KANK1: variants seen among roughly 807,000 people sequenced by gnomAD.
KANK1 encodes the protein KN motif and ankyrin repeat domain-containing protein 1.
Under a neutral mutation model 106.2 loss-of-function variants are expected in KANK1, and 109 were observed. The ratio of observed to expected loss-of-function variants is 1.03; its 90% CI spans 0.88 to 1.20. The LOEUF (loss-of-function observed/expected upper bound fraction) is 1.20. KANK1 is among the 50% of genes most tolerant of loss of function. KANK1 has a pLI of 0.00. For missense variants in KANK1, 2,399 were observed against 1,710.7 expected (o/e 1.40, Z -7.10); for synonymous variants, 873 against 652.2 (o/e 1.34, Z -5.16).
At chr9:681,271 C>T (rs994779185) in intron 2 of KANK1, among the ~76,000 whole-genome samples, 3 of 152,198 alleles carry the variant, frequency 2.0e-5, no homozygotes, top group African/African-American at 7.2e-5. Flanking sequence ...AGTACTGCAG[C>T]GTCTTTTGTT....
At chr9:614,516 A>C (rs1831334455) in intron 1 of KANK1, among the ~76,000 whole-genome samples, 1 of 152,182 alleles carries the variant, frequency 6.6e-6, no homozygotes, top group African/African-American at 2.4e-5. Context: ...TCCTAGTGGC[A>C]ATCTCTTAAC....
intron 3 of KANK1, among the ~76,000 whole-genome samples, chr9:727,659 C>T (rs188484244): frequency 1.3e-5 from 2 of 149,828 alleles, no homozygotes; most frequent in Admixed American, 6.7e-5. Flanking sequence ...TTTCATTTAG[C>T]ACAGAGTCAG....
intron 1 of KANK1, among the ~76,000 whole-genome samples, chr9:558,187 C>G (rs1296497158): frequency 6.6e-6 from 1 of 152,162 alleles, no homozygotes; most frequent in African/African-American, 2.4e-5. Flanking sequence ...GCAAAGAAGT[C>G]TAGACCTATG....
chr9:544,815 TG>T (rs1282100186), intron 1 of KANK1, among the ~76,000 whole-genome samples: 2 of 16,078 alleles, frequency 1.2e-4, no homozygotes, highest in African/African-American at 2.6e-4. Flanking sequence ...GATTATTGGG[TG>T]GGGGTGGGAG....
intron 1 of KANK1, among the ~76,000 whole-genome samples, chr9:540,009 C>A (rs75517119): frequency 2.6e-5 from 4 of 152,218 alleles, no homozygotes; most frequent in East Asian, 3.9e-4. Flanking sequence ...TTCTTGCTTT[C>A]CATTTTTGAT....
chr9:742,472 G>C, intron 10 of KANK1, 67 bp downstream of exon 10: 1 of 1,327,292 alleles, frequency 7.5e-7, no homozygotes, highest in Non-Finnish European at 1.0e-6. Flanking sequence ...CTCTGGGAGT[G>C]CCTTTTGGCC....
intron 1 of KANK1, among the ~76,000 whole-genome samples, chr9:604,461 C>T (rs1178605327): frequency 1.3e-5 from 2 of 151,770 alleles, no homozygotes; most frequent in Non-Finnish European, 2.9e-5. Context: ...TTCACCCTTG[C>T]ACCCATGTCT....
chr9:551,303 AC>A (rs1298056498), intron 1 of KANK1, among the ~76,000 whole-genome samples: 1 of 151,836 alleles, frequency 6.6e-6, no homozygotes, highest in Non-Finnish European at 1.5e-5. Flanking sequence ...CAGGGCTGTT[AC>A]CCATGATGGT....
chr9:620,365 C>T (rs76094368), intron 1 of KANK1, among the ~76,000 whole-genome samples: 4,982 of 152,122 alleles, frequency 0.033, 267 homozygotes, highest in African/African-American at 0.11. Flanking sequence ...GTAAACAACA[C>T]GTAATTCTTT....
chr9:508,764 A>T lies in KANK1; in HGVS notation c.-84+4010A>T, dbSNP rs754204804. Among the ~76,000 whole-genome samples, 158 of 146,434 alleles carry T rather than the reference A, an allele frequency of 1.1e-3. 1 individual carries two copies. Among genetic ancestry groups the T allele is most frequent in the Middle Eastern group, 3.4e-3 (1 of 290 alleles). On this transcript the variant is annotated intron_variant, in intron 1 of 11. Transcript: ENST00000382297. ...TCACTGCTGTGTAATATTCAATTGTATGACTACAATTTATCAATTTTTAGG... is the reference window on the plus strand; with the variant it reads ...TCACTGCTGTGTAATATTCAATTGTTTGACTACAATTTATCAATTTTTAGG...
chr9:563,127 C>A (rs1410696911), intron 1 of KANK1, among the ~76,000 whole-genome samples: 2 of 151,622 alleles, frequency 1.3e-5, no homozygotes, highest in African/African-American at 4.8e-5. Context: ...GGAACCAAGC[C>A]TGTGTTCTGT....
intron 2 of KANK1, among the ~76,000 whole-genome samples, chr9:472,329 G>T (rs553867880): frequency 6.6e-6 from 1 of 152,196 alleles, no homozygotes; most frequent in African/African-American, 2.4e-5. Flanking sequence ...ACTTTCCTAA[G>T]ATGGGGTTAT....
intron 1 of KANK1, among the ~76,000 whole-genome samples, chr9:609,284 G>A (rs1421049293): frequency 6.6e-6 from 1 of 152,082 alleles, no homozygotes; most frequent in Non-Finnish European, 1.5e-5. Context: ...TTGCTTAACA[G>A]TTCTTTGGGA....
intron 2 of KANK1, among the ~76,000 whole-genome samples, chr9:705,451 A>C (rs965957578): frequency 2.0e-5 from 3 of 151,990 alleles, no homozygotes; most frequent in African/African-American, 7.2e-5. Context: ...GCGCCACTGC[A>C]CTCTAGCAAG....
intron 1 of KANK1, among the ~76,000 whole-genome samples, chr9:514,242 T>C (rs368087137): frequency 3.6e-5 from 3 of 83,320 alleles, no homozygotes; most frequent in South Asian, 4.3e-4. Flanking sequence ...CTCCCTCCCT[T>C]CCTTCCTTCC....
At chr9:508,863 A>G (rs2058898272) in intron 1 of KANK1, among the ~76,000 whole-genome samples, 2 of 152,200 alleles carry the variant, frequency 1.3e-5, no homozygotes, top group African/African-American at 2.4e-5. Flanking sequence ...TAATTCTAGT[A>G]CACGTCTTGA....
intron 2 of KANK1, among the ~76,000 whole-genome samples, chr9:472,645 G>C (rs564075641): frequency 6.6e-6 from 1 of 152,314 alleles, no homozygotes; most frequent in African/African-American, 2.4e-5. Context: ...CTCCCTTGGA[G>C]CCCTGAGCTA....
chr9:557,188 GAAAAAAAA>G (rs35320012), intron 1 of KANK1, among the ~76,000 whole-genome samples: 5 of 113,488 alleles, frequency 4.4e-5, no homozygotes, highest in Non-Finnish European at 7.3e-5. Flanking sequence ...GTCTCAAAAG[GAAAAAAAA>G]AAAAAAAAAA....
intron 3 of KANK1, among the ~76,000 whole-genome samples, chr9:717,297 A>C (rs1188475438): frequency 6.6e-6 from 1 of 152,152 alleles, no homozygotes; most frequent in Non-Finnish European, 1.5e-5. Flanking sequence ...AAGAAAAGAA[A>C]AAGGAAAAAG....
Sources: allele counts gnomAD v4.1 joint callset (sites outside exome capture counted in the v4.1 genomes callset), GRCh38; gene constraint gnomAD v4.1.1; transcripts MANE v1.5; gene names NCBI Gene and HGNC (gene_info 2026-07-23, HGNC 2026-07-21).